MEI4: variants seen among roughly 807,000 people sequenced by gnomAD.
The protein encoded by MEI4 is meiotic double-stranded break formation protein 4, also known as meiosis-specific protein MEI4.
MEI4 carries 27 observed loss-of-function variants against 31.4 expected under a neutral mutation model. The ratio of observed to expected loss-of-function variants is 0.86; its 90% CI spans 0.63 to 1.19. The LOEUF (loss-of-function observed/expected upper bound fraction) is 1.19, where lower values mean the gene tolerates loss of function less well. Among genes scored for constraint, MEI4 ranks in the 50% most tolerant of loss-of-function variants. The pLI is 0.00. For missense variants in MEI4, 329 were observed against 398.9 expected (o/e 0.82, Z 1.49); for synonymous variants, 122 against 145.4 (o/e 0.84, Z 1.16).
At chr6:77,702,140 CT>C (rs34388626) in intron 2 of MEI4, among the ~76,000 whole-genome samples, 20,952 of 152,164 alleles carry the variant, frequency 0.14, 1,528 homozygotes, top group Middle Eastern at 0.21. Context: ...CAGAATGGAG[CT>C]TGCCTTAGTC....
chr6:77,796,107 A>G (rs1561992175), intron 3 of MEI4, among the ~76,000 whole-genome samples: 1 of 152,228 alleles, frequency 6.6e-6, no homozygotes, highest in Non-Finnish European at 1.5e-5. Flanking sequence ...TTATAACCAC[A>G]TTAACAGAAT....
At chr6:77,660,198 G>A (rs1426307657) in intron 1 of MEI4, among the ~76,000 whole-genome samples, 1 of 152,152 alleles carries the variant, frequency 6.6e-6, no homozygotes, top group African/African-American at 2.4e-5. Flanking sequence ...CGCTAAGGAG[G>A]GATTAGAAGT....
intron 4 of MEI4, among the ~76,000 whole-genome samples, chr6:77,841,010 G>C (rs968586056): frequency 6.6e-6 from 1 of 151,998 alleles, no homozygotes; most frequent in Non-Finnish European, 1.5e-5. Flanking sequence ...AATGCTAAAA[G>C]CAGTGCTTAA....
intron 4 of MEI4, among the ~76,000 whole-genome samples, chr6:77,909,471 A>G (rs1766379965): frequency 6.6e-6 from 1 of 152,166 alleles, no homozygotes; most frequent in Non-Finnish European, 1.5e-5. Context: ...AAATGAATGA[A>G]TTCCTCAGCA....
chr6:77,713,018 C>G (rs971766601), intron 2 of MEI4, among the ~76,000 whole-genome samples: 1 of 151,116 alleles, frequency 6.6e-6, no homozygotes, highest in African/African-American at 2.4e-5. Context: ...TTAGGGTTGC[C>G]GAAGATGAAT....
intron 4 of MEI4, among the ~76,000 whole-genome samples, chr6:77,875,765 A>G (rs549741279): frequency 1.3e-5 from 2 of 152,226 alleles, no homozygotes; most frequent in African/African-American, 4.8e-5. Flanking sequence ...TGCATATTAC[A>G]TGGTAAAATG....
intron 2 of MEI4, among the ~76,000 whole-genome samples, chr6:77,715,656 A>G (rs922899172): frequency 2.6e-5 from 4 of 152,102 alleles, no homozygotes; most frequent in African/African-American, 9.7e-5. Context: ...GTACTTACAG[A>G]GTTCTCATTT....
rs1429067290 is a variant in MEI4 at position 77,925,793 on chromosome 6, AATAT to A, written c.*2452_*2455del. 3.4e-5 allele frequency: 5 copies of A among 148,228 alleles called. No individual in the cohort carries two copies. The highest frequency in any genetic ancestry group is 6.0e-5 in the Non-Finnish European group (4 of 67,220). 9.2% of individuals were successfully genotyped at this position (148,228 alleles called of 1,614,324 possible). A position where few individuals can be genotyped will look rare whatever the true frequency, so the allele number is the denominator to read the frequency against. On this transcript the variant is annotated 3_prime_UTR_variant, in exon 5 of 5. Transcript: ENST00000684080. ...TGATAATATATTTTATATGAGAGTAAATATATATTAAATATTTTATATACATTTA... is the reference window on the plus strand; with the variant it reads ...TGATAATATATTTTATATGAGAGTAAATATTAAATATTTTATATACATTTA...
chr6:77,735,823 A>C lies in MEI4; in HGVS notation c.233-25307A>C, dbSNP rs555532499. On this transcript the variant is annotated intron_variant, in intron 2 of 4. Coordinates refer to ENST00000684080, the MANE Select transcript of MEI4 (RefSeq NM_001322247.2). The stretch of plus-strand genomic sequence containing the variant: ...ACAGATGGGTTTTTGGTGTGGATGT[A>C]CTTTCTGTTTATTAGTTTTCCTTCT... 6.0e-3 allele frequency among the ~76,000 whole-genome samples: 911 copies of C among 151,942 alleles called. 11 individuals are homozygous for C. The highest frequency in any genetic ancestry group is 8.2e-3 in the Non-Finnish European group (554 of 67,972).
intron 3 of MEI4, among the ~76,000 whole-genome samples, chr6:77,812,928 C>A (rs995763794): frequency 2.0e-5 from 3 of 151,878 alleles, no homozygotes; most frequent in Non-Finnish European, 2.9e-5. Flanking sequence ...AATTTTAGGG[C>A]CTGAAATGAG....
chr6:77,820,350 C>T lies in MEI4; in HGVS notation c.769-8581C>T, dbSNP rs536390879. On this transcript the variant is annotated intron_variant, in intron 3 of 4. Coordinates refer to ENST00000684080, the MANE Select transcript of MEI4 (RefSeq NM_001322247.2). This position sits in a 1 kb window ranked among gnomAD's most constrained non-coding sequence, Gnocchi z 4.5. ...TTTGGCTCACTGCTGCAGCTTCCACCGCTCGGGTTCAAGCAGTTCTCCTGC... is the reference window on the plus strand; with the variant it reads ...TTTGGCTCACTGCTGCAGCTTCCACTGCTCGGGTTCAAGCAGTTCTCCTGC... 8.6e-5 allele frequency among the ~76,000 whole-genome samples: 13 copies of T among 151,966 alleles called. No homozygotes were observed. The highest frequency in any genetic ancestry group is 1.4e-4 in the African/African-American group (6 of 41,448).
intron 3 of MEI4, among the ~76,000 whole-genome samples, chr6:77,789,732 A>G (rs1023883347): frequency 6.6e-6 from 1 of 152,142 alleles, no homozygotes; most frequent in Admixed American, 6.5e-5. Context: ...TTAGGATGGC[A>G]ATCATTAAAA....
chr6:77,740,222 A>G (rs996324380), intron 2 of MEI4, among the ~76,000 whole-genome samples: 15 of 152,144 alleles, frequency 9.9e-5, no homozygotes, highest in African/African-American at 3.6e-4. Context: ...ATGTTTGATT[A>G]TGTGATCGAT....
Position 77,761,625 on chromosome 6 carries a change from C to T in MEI4, c.728C>T (p.Thr243Ile). 2 of 1,231,796 alleles carry T rather than the reference C, an allele frequency of 1.6e-6. No homozygotes were observed. The highest frequency in any genetic ancestry group is 2.0e-6 in the Non-Finnish European group (2 of 987,742). 76.3% of individuals were successfully genotyped at this position (1,231,796 alleles called of 1,614,324 possible). Reference sequence around the variant, plus strand: ...AAGAAGTTGGAAGAATTTGAGAAAACCCTACTACATGCTATTTTAGGAAAC... The same window carrying T: ...AAGAAGTTGGAAGAATTTGAGAAAATCCTACTACATGCTATTTTAGGAAAC... ...CSKKLEEFEK[T>I]LLHAILGNNH... Residue 243 changes from threonine to isoleucine, a missense_variant, in exon 3 of 5, where the codon ACC (threonine) becomes ATC (isoleucine). By Grantham distance (89) the Thr-to-Ile change is moderately conservative. Coordinates refer to ENST00000684080, the MANE Select transcript of MEI4 (RefSeq NM_001322247.2).
intron 4 of MEI4, among the ~76,000 whole-genome samples, chr6:77,845,846 AT>A (rs915347154): frequency 4.7e-5 from 7 of 147,392 alleles, no homozygotes; most frequent in African/African-American, 1.7e-4. Context: ...TCATTGAGAT[AT>A]TTGTTGAGTG....
At chr6:77,883,745 A>ATATATATATCTATCTATCTAT (rs55947073) in intron 4 of MEI4, among the ~76,000 whole-genome samples, 5 of 82,302 alleles carry the variant, frequency 6.1e-5, no homozygotes, top group African/African-American at 2.0e-4. Context: ...TATATATATA[A>ATATATATATCTATCTATCTAT]CTTTGTCTTT....
rs140599340 is a variant in MEI4, at chr6:77,780,150, T to C, written c.768+18485T>C. Reference sequence around the variant, plus strand: ...TAAAGTTATAGGAAATAGACACAAATCTTTTTGGAAGGCTGGGAGGTTTGC... The same window carrying C: ...TAAAGTTATAGGAAATAGACACAAACCTTTTTGGAAGGCTGGGAGGTTTGC... On this transcript the variant is annotated intron_variant, in intron 3 of 4. Transcript: ENST00000684080. Among the ~76,000 whole-genome samples the C allele has an allele frequency of 1.4e-3, 213 of 152,244 alleles. 1 individual carries two copies. Among genetic ancestry groups the C allele is most frequent in the African/African-American group, 4.5e-3 (187 of 41,540 alleles).
At chr6:77,796,087 TA>T (rs1338828250) in intron 3 of MEI4, among the ~76,000 whole-genome samples, 4 of 152,170 alleles carry the variant, frequency 2.6e-5, no homozygotes, top group African/African-American at 9.6e-5. Context: ...GGGGTGAAAG[TA>T]TGATTTCATT....
At chr6:77,814,959 A>T (rs1043519110) in intron 3 of MEI4, among the ~76,000 whole-genome samples, 1 of 152,120 alleles carries the variant, frequency 6.6e-6, no homozygotes, top group South Asian at 2.1e-4. Flanking sequence ...TTACGTACAT[A>T]TATCATATGG....
Sources: allele counts gnomAD v4.1 joint callset (sites outside exome capture counted in the v4.1 genomes callset), GRCh38; gene constraint gnomAD v4.1.1; non-coding constraint Gnocchi (gnomAD v3.1); transcripts MANE v1.5; gene names NCBI Gene and HGNC (gene_info 2026-07-23, HGNC 2026-07-21).